RNF168: variants seen among roughly 807,000 people sequenced by gnomAD.
RNF168 encodes E3 ubiquitin-protein ligase RNF168.
In RNF168, 34 loss-of-function variants were observed where a neutral mutation model predicts 34.9. The ratio of observed to expected loss-of-function variants is 0.97; its 90% CI spans 0.74 to 1.30. The LOEUF is 1.30. Among genes scored for constraint, RNF168 ranks in the 50% most tolerant of loss-of-function variants. The pLI is 0.00. For missense variants in RNF168, 725 were observed against 682.5 expected (o/e 1.06, Z -0.69); for synonymous variants, 264 against 254.7 (o/e 1.04, Z -0.35).
At chr3:196,491,262 G>A (rs1162372761) in intron 1 of RNF168, among the ~76,000 whole-genome samples, 5 of 152,176 alleles carry the variant, frequency 3.3e-5, no homozygotes, top group South Asian at 2.1e-4. Flanking sequence ...GCAGTGAGCC[G>A]ACATTGCACC....
intron 3 of RNF168, 81 bp downstream of exon 3, chr3:196,487,318 G>T: frequency 8.6e-7 from 1 of 1,167,828 alleles, no homozygotes; most frequent in Non-Finnish European, 1.3e-6. Context: ...AATACAAGGA[G>T]CTGACTCTTC....
chr3:196,478,378 T>C (rs1379453003), intron 4 of RNF168, among the ~76,000 whole-genome samples: 1 of 152,212 alleles, frequency 6.6e-6, no homozygotes, highest in Non-Finnish European at 1.5e-5. Context: ...CAAATCATGT[T>C]CAAATAAGGC....
chr3:196,492,806 T>A (rs547635684), intron 1 of RNF168, among the ~76,000 whole-genome samples: 93 of 151,136 alleles, frequency 6.2e-4, no homozygotes, highest in African/African-American at 1.6e-3. Context: ...ATAAATAAAA[T>A]AAATAAATAG....
At chr3:196,501,641 G>A (rs73219648) in intron 1 of RNF168, among the ~76,000 whole-genome samples, 9,822 of 152,164 alleles carry the variant, frequency 0.065, 380 homozygotes, top group Middle Eastern at 0.2. Context: ...AGTGGTGATG[G>A]TTACATTGTG....
intron 4 of RNF168, among the ~76,000 whole-genome samples, chr3:196,475,691 C>T (rs1732130145): frequency 2.0e-5 from 3 of 151,008 alleles, no homozygotes. Context: ...GCTGGGACTA[C>T]AGGCGCCCAC....
intron 3 of RNF168, among the ~76,000 whole-genome samples, chr3:196,484,473 CTTT>C (rs377178675): frequency 6.2e-5 from 6 of 97,432 alleles, no homozygotes; most frequent in Admixed American, 1.2e-4. Flanking sequence ...CGCGCCCGGC[CTTT>C]TTTTTTTTTT....
chr3:196,494,575 T>A (rs1225284783), intron 1 of RNF168, among the ~76,000 whole-genome samples: 1 of 152,130 alleles, frequency 6.6e-6, no homozygotes, highest in Non-Finnish European at 1.5e-5. Context: ...AGTTTCCTTC[T>A]CCCAATTAAA....
intron 3 of RNF168, 80 bp from the exon 4 acceptor site, chr3:196,483,971 G>A: frequency 1.9e-6 from 2 of 1,047,156 alleles, no homozygotes; most frequent in South Asian, 1.3e-5. Context: ...GACTAATTCA[G>A]AAATCCATAG....
At position 196,499,801 on chromosome 3, in the gene RNF168, G is replaced by A. The variant is rs1203160751; in HGVS notation, c.301+3072C>T. Among the ~76,000 whole-genome samples the A allele has an allele frequency of 2.6e-5, 4 of 152,268 alleles. No individual in the cohort carries two copies. In the South Asian group the frequency reaches 8.3e-4, roughly 32 times the overall value. On this transcript the variant is annotated intron_variant, in intron 1 of 5. Transcript: ENST00000318037. ...AGTTGTGGCTTTTTCTGGGTTTTGG[G>A]AGAAAAACAGAAACAAAAAGAATGA...
rs182754663 is a variant in RNF168 at position 196,477,128 on chromosome 3, T to C, written c.681-1816A>G. Among the ~76,000 whole-genome samples the C allele has an allele frequency of 2.2e-4, 33 of 152,334 alleles. 1 individual carries two copies. The highest frequency in any genetic ancestry group is 1.8e-3 in the Admixed American group (28 of 15,284). ...ACTACGGTTTTAATAGAATGGAAAATGTTATAAAAGAACGGGGAATAGAAA... is the reference window on the plus strand; with the variant it reads ...ACTACGGTTTTAATAGAATGGAAAACGTTATAAAAGAACGGGGAATAGAAA... On this transcript the variant is annotated intron_variant, in intron 4 of 5. Coordinates refer to ENST00000318037, the MANE Select transcript of RNF168 (RefSeq NM_152617.4).
intron 4 of RNF168, among the ~76,000 whole-genome samples, chr3:196,479,157 T>A (rs1373091235): frequency 6.6e-6 from 1 of 151,168 alleles, no homozygotes; most frequent in Non-Finnish European, 1.5e-5. Context: ...GGATTACAGG[T>A]GCTCGCCACC....
rs376130434 is a variant in RNF168, at chr3:196,488,446, C to T, written c.378+161G>A. ...GCAGTGAGCCGAGATTGCGCCACTGCACTCCAGCCTGGGTGACAGAGTGAG... is the reference window on the plus strand; with the variant it reads ...GCAGTGAGCCGAGATTGCGCCACTGTACTCCAGCCTGGGTGACAGAGTGAG... On this transcript the variant is annotated intron_variant, in intron 2 of 5. Transcript: ENST00000318037. Among the ~76,000 whole-genome samples, 801 of 150,484 alleles carry T rather than the reference C, an allele frequency of 5.3e-3. 10 individuals are homozygous for T. The highest frequency in any genetic ancestry group is 0.024 in the Middle Eastern group (7 of 294).
Position 196,503,241 on chromosome 3 carries a change from C to A in RNF168, c.-68G>T, listed in dbSNP as rs184760817. 1.8e-5 allele frequency: 25 copies of A among 1,419,180 alleles called. No individual in the cohort carries two copies. The African/African-American group carries it at 3.4e-4, about 19-fold the overall frequency. 87.9% of individuals were successfully genotyped at this position (1,419,180 alleles called of 1,614,324 possible). On this transcript the variant is annotated 5_prime_UTR_variant, in exon 1 of 6. Transcript: ENST00000318037. ...GAAAAAGAATCCTATTTTCGGCCAA[C>A]CACAGAGAGAGCAAAAGCAGTTTTG...
intron 5 of RNF168, 55 bp downstream of exon 5, chr3:196,475,176 A>T: frequency 1.0e-6 from 1 of 971,420 alleles, no homozygotes; most frequent in South Asian, 1.3e-5. Flanking sequence ...GGATAGCACT[A>T]ATCTACAGCA....
chr3:196,500,556 A>G (rs551542153), intron 1 of RNF168, among the ~76,000 whole-genome samples: 2 of 152,254 alleles, frequency 1.3e-5, no homozygotes, highest in South Asian at 4.2e-4. Flanking sequence ...GGAGGATTAA[A>G]AAGTTCTGGA....
Position 196,484,171 on chromosome 3 carries a change from C to CTTTTTTTTTTTTTTTTTTTTTTTTTTT in RNF168, c.559-281_559-280insAAAAAAAAAAAAAAAAAAAAAAAAAAA, listed in dbSNP as rs71699491. On this transcript the variant is annotated intron_variant, in intron 3 of 5. Transcript: ENST00000318037. ...GATAATTCCTGTTGATCTTTCTTTC[C>CTTTTTTTTTTTTTTTTTTTTTTTTTTT]TTTTTTTTTTTTTTTTTGAGACGCA... 1.7e-5 allele frequency among the ~76,000 whole-genome samples: 2 copies of CTTTTTTTTTTTTTTTTTTTTTTTTTTT among 119,462 alleles called. 1 individual carries two copies. 78.4% of individuals were successfully genotyped at this position (119,462 alleles called of 152,430 possible).
chr3:196,490,979 T>G (rs908505771), intron 1 of RNF168, among the ~76,000 whole-genome samples: 1 of 152,128 alleles, frequency 6.6e-6, no homozygotes, highest in African/African-American at 2.4e-5. Context: ...TATCTGAGAC[T>G]TTTTTTCAGG....
At chr3:196,496,426 C>T (rs1732744435) in intron 1 of RNF168, among the ~76,000 whole-genome samples, 1 of 152,134 alleles carries the variant, frequency 6.6e-6, no homozygotes, top group Admixed American at 6.6e-5. Flanking sequence ...TGTGTCTTTA[C>T]ATCATCTTCC....
At chr3:196,486,981 G>A (rs532396079) in intron 3 of RNF168, among the ~76,000 whole-genome samples, 53 of 152,298 alleles carry the variant, frequency 3.5e-4, no homozygotes, top group African/African-American at 1.2e-3. Flanking sequence ...ACCGGAGCCC[G>A]GCCGTCGAGG....
Sources: allele counts gnomAD v4.1 joint callset (sites outside exome capture counted in the v4.1 genomes callset), GRCh38; gene constraint gnomAD v4.1.1; transcripts MANE v1.5; gene names NCBI Gene and HGNC (gene_info 2026-07-23, HGNC 2026-07-21).